Variants in ELOVL7 observed in about 807,000 individuals in gnomAD.
ELOVL7 encodes the protein very long chain fatty acid elongase 7.
ELOVL7 carries 27 observed loss-of-function variants against 35.7 expected under a neutral mutation model. The ratio of observed to expected loss-of-function variants is 0.76; its 90% CI spans 0.56 to 1.04. The LOEUF (loss-of-function observed/expected upper bound fraction) is 1.04. ELOVL7 is among the 50% of genes least tolerant of loss of function. The pLI is 0.00. For synonymous variants in ELOVL7, 113 were observed against 114.6 expected (o/e 0.99, Z 0.09); for missense variants, 327 against 340.8 (o/e 0.96, Z 0.32).
At chr5:60,759,798 C>G (rs2112131218) in intron 7 of ELOVL7, among the ~76,000 whole-genome samples, 1 of 152,070 alleles carries the variant, frequency 6.6e-6, no homozygotes, top group African/African-American at 2.4e-5. Context: ...GTCCCCCAAC[C>G]CCACAGCAGT....
At chr5:60,769,688 G>A (rs1742456590) in intron 4 of ELOVL7, among the ~76,000 whole-genome samples, 1 of 152,306 alleles carries the variant, frequency 6.6e-6, no homozygotes, top group Non-Finnish European at 1.5e-5. Context: ...AAATAGAGTA[G>A]AAAGTTTAAG....
chr5:60,807,672 T>C (rs911810107), intron 1 of ELOVL7, among the ~76,000 whole-genome samples: 10 of 151,966 alleles, frequency 6.6e-5, no homozygotes, highest in Non-Finnish European at 1.3e-4. Context: ...CAGAAGGGTT[T>C]TGAGTTAAAA....
At position 60,756,575 on chromosome 5, in the gene ELOVL7, T is replaced by C. The variant is rs149339493; in HGVS notation, c.636+934A>G. The stretch of plus-strand genomic sequence containing the variant: ...CATTTAGTTTGCTGCCAATTTCAAA[T>C]ACAACAAATAACTCTGCAAGGAAAT... On this transcript the variant is annotated intron_variant, in intron 8 of 8. Transcript: ENST00000508821. Among the ~76,000 whole-genome samples the C allele has an allele frequency of 2.7e-3, 414 of 152,300 alleles. 10 individuals carry two copies. The East Asian group carries it at 0.055, about 20-fold the overall frequency.
chr5:60,837,317 G>GGGGGT (rs1746870888), intron 1 of ELOVL7, among the ~76,000 whole-genome samples: 1 of 125,794 alleles, frequency 7.9e-6, no homozygotes, highest in East Asian at 2.6e-4. Flanking sequence ...CGGGGGGGTG[G>GGGGGT]GGGGGGAGTG....
intron 2 of ELOVL7, among the ~76,000 whole-genome samples, chr5:60,794,340 G>A (rs936904689): frequency 1.3e-5 from 2 of 152,254 alleles, no homozygotes; most frequent in Non-Finnish European, 2.9e-5. Flanking sequence ...GCCACAAGCT[G>A]CCTACGTTAG....
At chr5:60,817,860 A>G (rs1329554210) in intron 1 of ELOVL7, among the ~76,000 whole-genome samples, 1 of 150,128 alleles carries the variant, frequency 6.7e-6, no homozygotes, top group Non-Finnish European at 1.5e-5. Flanking sequence ...ATATATATAT[A>G]TATATATACT....
At chr5:60,828,853 A>G (rs1746322655) in intron 1 of ELOVL7, among the ~76,000 whole-genome samples, 1 of 152,168 alleles carries the variant, frequency 6.6e-6, no homozygotes, top group Non-Finnish European at 1.5e-5. Flanking sequence ...ATCTCTCACT[A>G]CTTTTAGTCA....
intron 1 of ELOVL7, among the ~76,000 whole-genome samples, chr5:60,806,183 C>G (rs1744914677): frequency 6.6e-6 from 1 of 152,170 alleles, no homozygotes; most frequent in South Asian, 2.1e-4. Flanking sequence ...TTCCTCAAAG[C>G]CCTCAGAGAG....
chr5:60,755,848 T>C (rs1484276697), intron 8 of ELOVL7, among the ~76,000 whole-genome samples: 10 of 152,170 alleles, frequency 6.6e-5, no homozygotes, highest in Non-Finnish European at 4.4e-5. Context: ...AAAAGCAATA[T>C]GTGTTCTGTG....
chr5:60,800,632 G>C (rs1744552691), intron 1 of ELOVL7, among the ~76,000 whole-genome samples: 1 of 152,170 alleles, frequency 6.6e-6, no homozygotes, highest in Non-Finnish European at 1.5e-5. Context: ...CAGTTCTAGA[G>C]GCTGGAAGTT....
At chr5:60,835,144 C>A (rs1746714518) in intron 1 of ELOVL7, among the ~76,000 whole-genome samples, 1 of 141,974 alleles carries the variant, frequency 7.0e-6, no homozygotes, top group African/African-American at 2.7e-5. Context: ...GAGCTGAGAG[C>A]AAGCCACTGC....
At chr5:60,769,085 C>A (rs1742420415) in intron 4 of ELOVL7, among the ~76,000 whole-genome samples, 1 of 152,148 alleles carries the variant, frequency 6.6e-6, no homozygotes, top group South Asian at 2.1e-4. Flanking sequence ...AACTTAATCA[C>A]ACTGTTAACT....
chr5:60,775,306 A>G (rs542036772), intron 3 of ELOVL7, among the ~76,000 whole-genome samples: 28 of 152,342 alleles, frequency 1.8e-4, no homozygotes, highest in Admixed American at 1.8e-3. Context: ...AAGGAGCATT[A>G]CAAAACACTG....
chr5:60,837,979 T>C (rs1746927985), intron 1 of ELOVL7, among the ~76,000 whole-genome samples: 1 of 152,170 alleles, frequency 6.6e-6, no homozygotes, highest in Non-Finnish European at 1.5e-5. Context: ...TAGCTGTCCT[T>C]TCCAGATCAG....
chr5:60,773,976 C>T (rs1181602156), intron 3 of ELOVL7, among the ~76,000 whole-genome samples: 2 of 152,182 alleles, frequency 1.3e-5, no homozygotes, highest in Non-Finnish European at 2.9e-5. Flanking sequence ...TGTTATTTAA[C>T]ATCTTATGAA....
At chr5:60,831,121 C>T (rs1377704544) in intron 1 of ELOVL7, among the ~76,000 whole-genome samples, 1 of 152,136 alleles carries the variant, frequency 6.6e-6, no homozygotes, top group African/African-American at 2.4e-5. Context: ...ACCTTTCTTC[C>T]TAGACAACTA....
In ELOVL7 at chr5:60,804,613, A is replaced by C. The variant is rs1481149036; in HGVS notation, c.-85-5383T>G. Reference sequence around the variant, plus strand: ...ATCAGAAGAAGTGATAAGTACCCCAAAGGCAGTTTAATTCTTGTTTGTAAT... The same window carrying C: ...ATCAGAAGAAGTGATAAGTACCCCACAGGCAGTTTAATTCTTGTTTGTAAT... On this transcript the variant is annotated intron_variant, in intron 1 of 8. Coordinates refer to ENST00000508821, the MANE Select transcript of ELOVL7 (RefSeq NM_024930.3). Among the ~76,000 whole-genome samples, 3 of 152,212 alleles carry C rather than the reference A, an allele frequency of 2.0e-5. 1 individual carries two copies. Among genetic ancestry groups the C allele is most frequent in the Non-Finnish European group, 1.5e-5 (1 of 68,030 alleles).
intron 4 of ELOVL7, among the ~76,000 whole-genome samples, chr5:60,769,062 T>C (rs970824457): frequency 2.6e-5 from 4 of 152,246 alleles, no homozygotes; most frequent in Admixed American, 2.6e-4. Context: ...GCCTCTAGCT[T>C]GACTTATAAG....
At chr5:60,801,068 C>T (rs781636521) in intron 1 of ELOVL7, among the ~76,000 whole-genome samples, 1 of 152,136 alleles carries the variant, frequency 6.6e-6, no homozygotes, top group African/African-American at 2.4e-5. Flanking sequence ...GCTGGGACTA[C>T]AGGCATATGC....
Sources: allele counts gnomAD v4.1 joint callset (sites outside exome capture counted in the v4.1 genomes callset), GRCh38; gene constraint gnomAD v4.1.1; transcripts MANE v1.5; gene names NCBI Gene and HGNC (gene_info 2026-07-23, HGNC 2026-07-21).